VDAC2: variants seen among roughly 807,000 people sequenced by gnomAD.
The protein encoded by VDAC2 is voltage dependent anion channel 2, also known as non-selective voltage-gated ion channel VDAC2.
A neutral mutation model predicts 36.6 loss-of-function variants in VDAC2; 6 were observed. That is an observed-to-expected ratio of 0.16 (90% CI 0.09 to 0.32). The LOEUF (loss-of-function observed/expected upper bound fraction) is 0.32, where lower values mean the gene tolerates loss of function less well. Ranked by LOEUF, VDAC2 falls within the 10% of genes least tolerant of loss-of-function variation. VDAC2 has a pLI of 1.00. For synonymous variants in VDAC2, 109 were observed against 123.8 expected (o/e 0.88, Z 0.79); for missense variants, 247 against 346.0 (o/e 0.71, Z 2.27).
At chr10:75,215,064 C>G (rs907098799) in intron 4 of VDAC2, among the ~76,000 whole-genome samples, 1 of 151,978 alleles carries the variant, frequency 6.6e-6, no homozygotes, top group African/African-American at 2.4e-5. Context: ...CAGGCCGTAT[C>G]CATCATGCCT....
At chr10:75,216,674 T>C (rs1057283326) in intron 4 of VDAC2, among the ~76,000 whole-genome samples, 3 of 152,182 alleles carry the variant, frequency 2.0e-5, no homozygotes, top group Non-Finnish European at 4.4e-5. Context: ...GTTGGCTTTG[T>C]TTCTTGAGGC....
At chr10:75,214,150 T>A in intron 4 of VDAC2, 80 bp downstream of exon 4, 4 of 1,447,386 alleles carry the variant, frequency 2.8e-6, no homozygotes, top group Non-Finnish European at 3.8e-6. Flanking sequence ...GAAAGATGTC[T>A]ACCTGTTTTG....
chr10:75,219,992 T>C (rs896552882), intron 6 of VDAC2, among the ~76,000 whole-genome samples: 6 of 150,336 alleles, frequency 4.0e-5, no homozygotes, highest in Non-Finnish European at 7.4e-5. Flanking sequence ...CACGCCCACC[T>C]AATTTTTGTA....
Position 75,228,860 on chromosome 10 carries a change from G to A in VDAC2, c.736-784G>A, listed in dbSNP as rs1428372879. On this transcript the variant is annotated intron_variant, in intron 8 of 9. Transcript: ENST00000332211. ...GGCAGGTGTTCCTGGCCTCTGGTGT[G>A]TCTTCATAATGTTAGGGGTGGTAGA... is the stretch of plus-strand genomic sequence containing the variant. Among the ~76,000 whole-genome samples the A allele has an allele frequency of 2.0e-5, 3 of 152,198 alleles. No individual in the cohort carries two copies. The East Asian group carries it at 5.8e-4, about 29-fold the overall frequency.
chr10:75,210,392 G>C (rs12255133), upstream of VDAC2, among the ~76,000 whole-genome samples: 3,393 of 152,256 alleles, frequency 0.022, 137 homozygotes, highest in African/African-American at 0.077. Context: ...GCTTTGTTTC[G>C]GGGGGGAACC....
At chr10:75,225,632 A>G (rs998662934) in intron 8 of VDAC2, among the ~76,000 whole-genome samples, 1 of 152,214 alleles carries the variant, frequency 6.6e-6, no homozygotes, top group East Asian at 1.9e-4. Flanking sequence ...AAGGAAGGAA[A>G]AAAAGAACAA....
chr10:75,221,970 T>TA (rs1841826621), intron 7 of VDAC2, among the ~76,000 whole-genome samples: 1 of 152,256 alleles, frequency 6.6e-6, no homozygotes, highest in Admixed American at 6.5e-5. Flanking sequence ...TATATATACT[T>TA]ATATATAAAA....
chr10:75,210,919 C>T lies in VDAC2; in HGVS notation c.-45C>T, dbSNP rs1841390852. On this transcript the variant is annotated 5_prime_UTR_variant, in exon 1 of 10. Coordinates refer to ENST00000332211, the MANE Select transcript of VDAC2 (RefSeq NM_001391963.1). ...CAGCTAGCGGAGCGGTGGCGGCGGC[C>T]CCCCTCAGGACACCACCAGGTACCG... 3.3e-5 allele frequency: 13 copies of T among 397,616 alleles called. No homozygotes were observed. The East Asian group carries it at 4.9e-4, about 15-fold the overall frequency. The allele number at this position is 397,616 out of a possible 1,614,324, so 24.6% of individuals were successfully genotyped here.
intron 2 of VDAC2, chr10:75,211,625 G>A (rs1841426109): frequency 6.4e-7 from 1 of 1,550,600 alleles, no homozygotes; most frequent in Non-Finnish European, 8.7e-7. Flanking sequence ...CCCTTAAGCA[G>A]CACAGCATTG....
intron 2 of VDAC2, chr10:75,211,710 A>C: frequency 3.9e-6 from 6 of 1,534,948 alleles, no homozygotes; most frequent in Non-Finnish European, 5.3e-6. Context: ...ATTTGAGTGA[A>C]ACACACATGG....
rs923714305 is a variant in VDAC2 at position 75,230,586 on chromosome 10, C to T, written c.794-312C>T. On this transcript the variant is annotated intron_variant, in intron 9 of 9. Coordinates refer to ENST00000332211, the MANE Select transcript of VDAC2 (RefSeq NM_001391963.1). ...TATTGTAGGTTTTCCTTTCTAGGAT[C>T]GAATTATGATTATGTCTTTAGTCTC... 4.6e-5 allele frequency among the ~76,000 whole-genome samples: 7 copies of T among 152,102 alleles called. No homozygotes were observed. In the East Asian group the frequency reaches 9.6e-4, roughly 21 times the overall value.
chr10:75,211,789 GT>G, intron 2 of VDAC2: 1 of 1,192,556 alleles, frequency 8.4e-7, no homozygotes, highest in Non-Finnish European at 1.2e-6. Flanking sequence ...CAGGGTGTTG[GT>G]TTTCCCCTCA....
At chr10:75,220,644 C>T (rs1475792801) in intron 6 of VDAC2, 99 bp from the exon 7 acceptor site, 1 of 998,580 alleles carries the variant, frequency 1.0e-6, no homozygotes. Flanking sequence ...GATTTTTACT[C>T]CCTGGTCATA....
intron 8 of VDAC2, among the ~76,000 whole-genome samples, chr10:75,226,947 G>GCCTTTGTAATGAAGTCT (rs1173128938): frequency 6.6e-6 from 1 of 152,168 alleles, no homozygotes; most frequent in South Asian, 2.1e-4. Context: ...AATTAATCGT[G>GCCTTTGTAATGAAGTCT]CCTTTGTAAT....
chr10:75,222,300 A>C lies in VDAC2; in HGVS notation c.633A>C (p.Glu211Asp), dbSNP rs1194166280. The C allele has an allele frequency of 6.2e-7, 1 of 1,613,774 alleles. No homozygotes were observed. The highest frequency in any genetic ancestry group is 8.5e-7 in the Non-Finnish European group (1 of 1,179,936). The stretch of plus-strand genomic sequence containing the variant: ...GATCAATTTATCAGAAAGTTTGTGA[A>C]GATCTTGACACTTCAGTAAACCTTG... ...FGGSIYQKVC[E>D]DLDTSVNLAW... The change falls in exon 8 of 10, where the codon GAA becomes GAC. Residue 211 changes from glutamate (E) to aspartate (D), a missense_variant. This residue lies in a region of VDAC2 where 159 missense variants were observed against 234.0 expected (regional missense o/e 0.68). Transcript: ENST00000332211.
chr10:75,217,880 C>T, intron 4 of VDAC2: 1 of 1,273,176 alleles, frequency 7.9e-7, no homozygotes, highest in South Asian at 1.3e-5. Flanking sequence ...ATATTTCTCA[C>T]TCTACAGATA....
chr10:75,230,333 T>G (rs867795917), intron 9 of VDAC2, among the ~76,000 whole-genome samples: 3 of 152,244 alleles, frequency 2.0e-5, no homozygotes, highest in African/African-American at 4.8e-5. Flanking sequence ...TAACAATTTA[T>G]TAACAATTAT....
upstream of VDAC2, chr10:75,210,726 G>C (rs1200068142): frequency 6.3e-6 from 1 of 159,704 alleles, no homozygotes; most frequent in African/African-American, 2.4e-5. Context: ...GGTTGGAGTT[G>C]GCAGCGGGCT....
Position 75,214,016 on chromosome 10 carries a change from T to C in VDAC2, c.101-5T>C. 1 of 1,613,276 alleles carries C rather than the reference T, an allele frequency of 6.2e-7. No homozygotes were observed. The highest frequency in any genetic ancestry group is 2.2e-5 in the East Asian group (1 of 44,800). ...TTTGTTTCTTTTGCTGTCTATTTGT[T>C]GAAGGTTTTGGGTTGGTGAAACTGG... On this transcript the variant is annotated splice_polypyrimidine_tract_variant and splice_region_variant and intron_variant, in intron 3 of 9. Coordinates refer to ENST00000332211, the MANE Select transcript of VDAC2 (RefSeq NM_001391963.1).
Sources: allele counts gnomAD v4.1 joint callset (sites outside exome capture counted in the v4.1 genomes callset), GRCh38; gene constraint gnomAD v4.1.1; regional missense constraint gnomAD v4.1.1; transcripts MANE v1.5; gene names NCBI Gene and HGNC (gene_info 2026-07-23, HGNC 2026-07-21).